The following CCSER1 variants were observed in gnomAD, a reference collection of about 807,000 sequenced individuals.
The protein encoded by CCSER1 is coiled-coil serine rich protein 1.
In CCSER1, 41 loss-of-function variants were observed where a neutral mutation model predicts 82.0. The ratio of observed to expected loss-of-function variants is 0.50; its 90% CI spans 0.39 to 0.65. The LOEUF (loss-of-function observed/expected upper bound fraction) is 0.65, where lower values mean the gene tolerates loss of function less well. CCSER1 is among the 30% of genes least tolerant of loss of function. CCSER1 has a pLI of 0.00. For missense variants in CCSER1, 1,119 were observed against 1,064.2 expected, an observed-to-expected ratio of 1.05 and a Z score of -0.72; for synonymous variants, 414 against 383.9, an observed-to-expected ratio of 1.08 and a Z score of -0.92.
At chr4:90,583,286 C>A (rs993206978) in intron 5 of CCSER1, among the ~76,000 whole-genome samples, 2 of 152,096 alleles carry the variant, frequency 1.3e-5, no homozygotes, top group Non-Finnish European at 2.9e-5. Flanking sequence ...CATGTCTCAG[C>A]CTCCTCAGTA....
chr4:90,233,233 A>T (rs1745007184), intron 1 of CCSER1, among the ~76,000 whole-genome samples: 1 of 152,246 alleles, frequency 6.6e-6, no homozygotes, highest in Admixed American at 6.5e-5. Context: ...CAAATGTCCA[A>T]CAATGATAGA....
At chr4:91,065,994 C>T (rs572780609) in intron 9 of CCSER1, among the ~76,000 whole-genome samples, 2 of 152,174 alleles carry the variant, frequency 1.3e-5, no homozygotes, top group South Asian at 2.1e-4. Flanking sequence ...CTTTATCAAA[C>T]ATTCATCCAT....
intron 5 of CCSER1, among the ~76,000 whole-genome samples, chr4:90,587,150 G>T (rs1782112812): frequency 6.6e-6 from 1 of 152,174 alleles, no homozygotes; most frequent in Non-Finnish European, 1.5e-5. Flanking sequence ...GTTCAAAAAG[G>T]CAAGGAAATG....
intron 9 of CCSER1, among the ~76,000 whole-genome samples, chr4:91,006,271 C>A (rs918150241): frequency 2.0e-5 from 3 of 151,238 alleles, no homozygotes; most frequent in Non-Finnish European, 4.4e-5. Context: ...TTTTTTGTAG[C>A]TATTATAAAT....
intron 10 of CCSER1, among the ~76,000 whole-genome samples, chr4:91,564,490 A>C (rs1211627638): frequency 6.6e-6 from 1 of 152,028 alleles, no homozygotes; most frequent in African/African-American, 2.4e-5. Context: ...ACAATGGTTG[A>C]ACTAATTTAC....
chr4:91,338,859 T>C (rs558411351), intron 10 of CCSER1, among the ~76,000 whole-genome samples: 2 of 152,206 alleles, frequency 1.3e-5, no homozygotes, highest in African/African-American at 4.8e-5. Flanking sequence ...GTTTTCTCTT[T>C]AAATATATAT....
At chr4:91,488,285 AT>A (rs1327745107) in intron 10 of CCSER1, among the ~76,000 whole-genome samples, 1 of 152,048 alleles carries the variant, frequency 6.6e-6, no homozygotes, top group Non-Finnish European at 1.5e-5. Context: ...ATTTTATGTG[AT>A]TTTTTAAAAT....
Position 90,382,790 on chromosome 4 carries a change from A to G in CCSER1, c.1510-17246A>G, listed in dbSNP as rs553239846. Among the ~76,000 whole-genome samples the G allele has an allele frequency of 2.0e-5, 3 of 152,250 alleles. No homozygotes were observed. The South Asian group carries it at 6.2e-4, about 32-fold the overall frequency. On this transcript the variant is annotated intron_variant, in intron 3 of 10. Coordinates refer to ENST00000509176, the MANE Select transcript of CCSER1 (RefSeq NM_001145065.2). ...CCAATATGATACTTTTAATGAATGA[A>G]ATACAAAGTTATTTTAAAAACTGCA...
chr4:91,294,873 G>A (rs1175821344), intron 10 of CCSER1, among the ~76,000 whole-genome samples: 1 of 151,862 alleles, frequency 6.6e-6, no homozygotes, highest in Non-Finnish European at 1.5e-5. Context: ...ATATATTTTG[G>A]GAGTGTGTAT....
At chr4:91,482,654 T>C (rs1758000613) in intron 10 of CCSER1, among the ~76,000 whole-genome samples, 3 of 152,046 alleles carry the variant, frequency 2.0e-5, no homozygotes, top group Admixed American at 2.0e-4. Context: ...CGTATATATA[T>C]TGTGGCACTA....
At chr4:91,514,958 A>G (rs1760025373) in intron 10 of CCSER1, among the ~76,000 whole-genome samples, 1 of 152,196 alleles carries the variant, frequency 6.6e-6, no homozygotes, top group Non-Finnish European at 1.5e-5. Context: ...AGGAAGAACA[A>G]ACTGCTTAAC....
At chr4:91,129,002 A>G (rs1053582777) in intron 10 of CCSER1, among the ~76,000 whole-genome samples, 1 of 152,078 alleles carries the variant, frequency 6.6e-6, no homozygotes, top group Non-Finnish European at 1.5e-5. Flanking sequence ...GGATTCAGGG[A>G]TGGTGAATTC....
At chr4:90,948,334 A>G (rs2150347420) in intron 9 of CCSER1, among the ~76,000 whole-genome samples, 1 of 151,946 alleles carries the variant, frequency 6.6e-6, no homozygotes, top group East Asian at 1.9e-4. Context: ...TAGTGTCTTC[A>G]CTTTTCAGGC....
At chr4:90,611,121 AC>A (rs199732100) in intron 5 of CCSER1, among the ~76,000 whole-genome samples, 10,771 of 130,876 alleles carry the variant, frequency 0.082, 457 homozygotes, top group Middle Eastern at 0.17. Context: ...CTGGTCTCGA[AC>A]TCCTGACCTC....
chr4:90,708,597 A>G (rs549322819), intron 6 of CCSER1, among the ~76,000 whole-genome samples: 1 of 152,234 alleles, frequency 6.6e-6, no homozygotes, highest in African/African-American at 2.4e-5. Flanking sequence ...AAAAAAATCA[A>G]CATAGTCACT....
Position 90,309,042 on chromosome 4 carries a change from C to T in CCSER1, c.758C>T (p.Thr253Ile), listed in dbSNP as rs778221869. 2 of 1,613,846 alleles carry T rather than the reference C, an allele frequency of 1.2e-6. No homozygotes were observed. Among genetic ancestry groups the T allele is most frequent in the East Asian group, 4.5e-5 (2 of 44,870 alleles). ...CCTTTGCTTTCTGCTGATCTTACCA[C>T]AGCTCAGACACCTTCAGAATTTTTA... ...QSPLLSADLTTAQTPSEFLAL... is the reference protein window; with the variant it reads ...QSPLLSADLTIAQTPSEFLAL... The change falls in exon 2 of 11, where the codon ACA becomes ATA. Residue 253 changes from threonine (T) to isoleucine (I), a missense_variant. Physicochemically the swap from Thr to Ile is moderately conservative, Grantham distance 89. Transcript: ENST00000509176.
chr4:91,096,470 A>T (rs1410152944), intron 10 of CCSER1, among the ~76,000 whole-genome samples: 2 of 152,130 alleles, frequency 1.3e-5, no homozygotes, highest in East Asian at 3.8e-4. Flanking sequence ...CTGTCCCCTT[A>T]ACCACTATGG....
At chr4:91,026,381 G>T (rs553560512) in intron 9 of CCSER1, among the ~76,000 whole-genome samples, 2 of 152,040 alleles carry the variant, frequency 1.3e-5, no homozygotes, top group East Asian at 3.9e-4. Flanking sequence ...AAATTGAAGC[G>T]CTAAAGGAGC....
chr4:90,425,052 T>A (rs968266274), intron 4 of CCSER1, among the ~76,000 whole-genome samples: 1 of 152,304 alleles, frequency 6.6e-6, no homozygotes, highest in Non-Finnish European at 1.5e-5. Flanking sequence ...ATCCAGTTGG[T>A]CTTTTACGGC....
Sources: allele counts gnomAD v4.1 joint callset (sites outside exome capture counted in the v4.1 genomes callset), GRCh38; gene constraint gnomAD v4.1.1; transcripts MANE v1.5; gene names NCBI Gene and HGNC (gene_info 2026-07-23, HGNC 2026-07-21).